Variants in HIPK3 observed in about 807,000 individuals in gnomAD.
HIPK3 encodes homeodomain interacting protein kinase 3.
In HIPK3, 47 loss-of-function variants were observed where a neutral mutation model predicts 124.2. That is an observed-to-expected ratio of 0.38 (90% CI 0.30 to 0.48). The LOEUF is 0.48. Ranked by LOEUF, HIPK3 falls within the 20% of genes least tolerant of loss-of-function variation. HIPK3 has a pLI of 0.98. For missense variants in HIPK3, 1,286 were observed against 1,454.3 expected (o/e 0.88, Z 1.88); for synonymous variants, 482 against 515.2 (o/e 0.94, Z 0.87).
At chr11:33,336,483 C>T (rs928155007) in intron 3 of HIPK3, among the ~76,000 whole-genome samples, 1 of 152,160 alleles carries the variant, frequency 6.6e-6, no homozygotes, top group African/African-American at 2.4e-5. Flanking sequence ...TCAGTTCAGA[C>T]CCTCTTCATC....
Position 33,341,245 on chromosome 11 carries a change from A to T in HIPK3, c.1773+118A>T, listed in dbSNP as rs184630831. The T allele has an allele frequency of 1.9e-3, 1,261 of 659,358 alleles. 5 individuals carry two copies. Among genetic ancestry groups the T allele is most frequent in the Middle Eastern group, 4.1e-3 (10 of 2,462 alleles). 40.8% of individuals were successfully genotyped at this position (659,358 alleles called of 1,614,324 possible). On this transcript the variant is annotated intron_variant, in intron 7 of 16. Coordinates refer to ENST00000303296, the MANE Select transcript of HIPK3 (RefSeq NM_005734.5). ...AGAATGTACAGTGCTGTGAGGTCTT[A>T]CTATACCTGTTTTTACCAAATCTCT... is the stretch of plus-strand genomic sequence containing the variant.
intron 2 of HIPK3, among the ~76,000 whole-genome samples, chr11:33,320,773 G>A (rs149646041): frequency 0.01 from 1,559 of 152,294 alleles, 8 homozygotes; most frequent in Non-Finnish European, 0.015. Context: ...GACATGGGTA[G>A]GACTGTGAGA....
At chr11:33,301,604 G>A (rs1451477792) in intron 2 of HIPK3, among the ~76,000 whole-genome samples, 1 of 149,942 alleles carries the variant, frequency 6.7e-6, no homozygotes, top group Non-Finnish European at 1.5e-5. Flanking sequence ...GTAACATATT[G>A]GGACCCCATC....
intron 3 of HIPK3, among the ~76,000 whole-genome samples, chr11:33,329,467 A>T (rs1852908462): frequency 1.3e-5 from 2 of 152,304 alleles, no homozygotes; most frequent in South Asian, 4.1e-4. Context: ...CTATTACATA[A>T]TCATGATTAT....
chr11:33,307,136 G>A (rs561935182), intron 2 of HIPK3, among the ~76,000 whole-genome samples: 1 of 151,884 alleles, frequency 6.6e-6, no homozygotes, highest in South Asian at 2.1e-4. Context: ...ATGGGGTTTT[G>A]CCATGTTGGC....
chr11:33,262,757 A>C (rs1477352300), intron 1 of HIPK3, among the ~76,000 whole-genome samples: 1 of 151,998 alleles, frequency 6.6e-6, no homozygotes, highest in African/African-American at 2.4e-5. Context: ...ACTTTAAACT[A>C]ATTTCTCTAA....
At chr11:33,259,424 T>C (rs1007824590) in intron 1 of HIPK3, among the ~76,000 whole-genome samples, 9 of 152,266 alleles carry the variant, frequency 5.9e-5, no homozygotes, top group African/African-American at 2.2e-4. Context: ...AGATAGGTCA[T>C]GATTAAACTT....
intron 2 of HIPK3, among the ~76,000 whole-genome samples, chr11:33,327,048 A>G (rs1852832280): frequency 6.6e-6 from 1 of 152,176 alleles, no homozygotes; most frequent in African/African-American, 2.4e-5. Flanking sequence ...CAAAGTAGGA[A>G]TCCTTTAATC....
At chr11:33,343,245 TTTTG>T (rs1382801210) in intron 8 of HIPK3, among the ~76,000 whole-genome samples, 2 of 121,678 alleles carry the variant, frequency 1.6e-5, no homozygotes, top group African/African-American at 3.7e-5. Context: ...GATTATTTGA[TTTTG>T]TGTGTGTGTG....
intron 1 of HIPK3, among the ~76,000 whole-genome samples, chr11:33,281,947 GGATA>G (rs1851423151): frequency 6.6e-6 from 1 of 152,126 alleles, no homozygotes. Flanking sequence ...CTAGGTCAGA[GGATA>G]TGTTCATTTG....
intron 8 of HIPK3, among the ~76,000 whole-genome samples, 176 bp from the exon 9 acceptor site, chr11:33,347,117 G>A (rs563889087): frequency 1.3e-3 from 203 of 151,916 alleles, no homozygotes; most frequent in Non-Finnish European, 2.2e-3. Context: ...CCAGGAGGTT[G>A]AGGCCACAGT....
rs1852877230 is a variant in HIPK3 at position 33,328,570 on chromosome 11, A to C, written c.1158A>C (p.Gly386=). The stretch of plus-strand genomic sequence containing the variant: ...AAGCCATAGACATGTGGTCATTGGG[A>C]TGTGTGATTGCAGAATTATTTCTTG... The part of the protein sequence containing the change: ...FCEAIDMWSL[G]CVIAELFLGW... The change falls in exon 3 of 17, where the codon GGA becomes GGC. Residue 386 remains glycine, a synonymous_variant. Transcript: ENST00000303296. 6.2e-7 allele frequency: 1 copy of C among 1,613,456 alleles called. No homozygotes were observed. The highest frequency in any genetic ancestry group is 8.5e-7 in the Non-Finnish European group (1 of 1,179,486).
At chr11:33,318,741 C>T (rs1284329819) in intron 2 of HIPK3, among the ~76,000 whole-genome samples, 1 of 152,158 alleles carries the variant, frequency 6.6e-6, no homozygotes, top group Non-Finnish European at 1.5e-5. Context: ...ATAAAAGGAA[C>T]ATAACAAATG....
At chr11:33,318,612 G>A (rs971907638) in intron 2 of HIPK3, among the ~76,000 whole-genome samples, 2 of 152,128 alleles carry the variant, frequency 1.3e-5, no homozygotes, top group African/African-American at 4.8e-5. Flanking sequence ...TACTGTTACT[G>A]TATATTTTAA....
chr11:33,331,396 C>G (rs1037684466), intron 3 of HIPK3, among the ~76,000 whole-genome samples: 21 of 152,040 alleles, frequency 1.4e-4, no homozygotes, highest in Admixed American at 9.8e-4. Flanking sequence ...TTTTTTTAGA[C>G]AGGGTCTCAG....
Position 33,356,583 on chromosome 11 carries a change from T to C in HIPK3, c.*3015T>C, listed in dbSNP as rs990494885. 4.6e-5 allele frequency: 7 copies of C among 152,130 alleles called. No homozygotes were observed. The highest frequency in any genetic ancestry group is 1.4e-4 in the African/African-American group (6 of 41,466). The allele number at this position is 152,130 out of a possible 1,614,324, so 9.4% of individuals were successfully genotyped here. A position where few individuals can be genotyped will look rare whatever the true frequency, so the allele number is the denominator to read the frequency against. On this transcript the variant is annotated 3_prime_UTR_variant, in exon 17 of 17. Transcript: ENST00000303296. Reference sequence around the variant, plus strand: ...AAACATTTTCATTTTTAAAATCTGCTAATTTTAAACTTGGACTGTGTTAAG... The same window carrying C: ...AAACATTTTCATTTTTAAAATCTGCCAATTTTAAACTTGGACTGTGTTAAG...
intron 2 of HIPK3, among the ~76,000 whole-genome samples, chr11:33,315,698 C>T (rs1852481761): frequency 6.6e-6 from 1 of 152,170 alleles, no homozygotes; most frequent in Admixed American, 6.5e-5. Context: ...AGCTATTGAT[C>T]AGTCATAGAA....
chr11:33,307,812 CT>C (rs1223369232), intron 2 of HIPK3, among the ~76,000 whole-genome samples: 1 of 151,596 alleles, frequency 6.6e-6, no homozygotes, highest in Non-Finnish European at 1.5e-5. Context: ...AAAAGATATT[CT>C]CCTTATGAAA....
intron 2 of HIPK3, among the ~76,000 whole-genome samples, chr11:33,289,791 C>A (rs1189654893): frequency 6.6e-6 from 1 of 152,178 alleles, no homozygotes. Flanking sequence ...ACCCCTTAAT[C>A]ATCTCTACTC....
Sources: allele counts gnomAD v4.1 joint callset (sites outside exome capture counted in the v4.1 genomes callset), GRCh38; gene constraint gnomAD v4.1.1; transcripts MANE v1.5; gene names NCBI Gene and HGNC (gene_info 2026-07-23, HGNC 2026-07-21).